The following ROBO2 variants were observed in gnomAD, a reference collection of about 807,000 sequenced individuals.
ROBO2 encodes roundabout homolog 2.
A neutral mutation model predicts 160.8 loss-of-function variants in ROBO2; 53 were observed. The observed-to-expected ratio is 0.33, with a 90% confidence interval of 0.26 to 0.41. The LOEUF is 0.41. Among genes scored for constraint, ROBO2 ranks in the 10% least tolerant of loss-of-function variants. The pLI is 1.00. For missense variants in ROBO2, 1,577 were observed against 1,722.4 expected (o/e 0.92, Z 1.49); for synonymous variants, 664 against 611.7 (o/e 1.09, Z -1.26).
At chr3:77,389,318 C>A (rs914795224) in intron 2 of ROBO2, among the ~76,000 whole-genome samples, 1 of 152,006 alleles carries the variant, frequency 6.6e-6, no homozygotes, top group Non-Finnish European at 1.5e-5. Context: ...GCTGACTGTG[C>A]CTATGTGTAT....
chr3:76,339,151 G>T (rs1005085507), intron 2 of ROBO2, among the ~76,000 whole-genome samples: 3 of 151,914 alleles, frequency 2.0e-5, no homozygotes, highest in Non-Finnish European at 2.9e-5. Flanking sequence ...ACTTCAGTTT[G>T]CCTTTTTAGA....
chr3:77,180,416 C>CTCTCTCTCTCTCTA (rs1433740534), intron 2 of ROBO2, among the ~76,000 whole-genome samples: 4 of 90,720 alleles, frequency 4.4e-5, no homozygotes, highest in South Asian at 3.8e-4. Context: ...CTCTCTCTCT[C>CTCTCTCTCTCTCTA]TATATATATA....
At chr3:77,181,446 A>G (rs539206738) in intron 2 of ROBO2, among the ~76,000 whole-genome samples, 1 of 152,238 alleles carries the variant, frequency 6.6e-6, no homozygotes, top group African/African-American at 2.4e-5. Context: ...CTCTGAATTT[A>G]TTAAAATAGG....
intron 2 of ROBO2, among the ~76,000 whole-genome samples, chr3:76,495,572 A>G (rs2080102754): frequency 6.7e-6 from 1 of 149,126 alleles, no homozygotes; most frequent in African/African-American, 2.4e-5. Flanking sequence ...TGGATCATTT[A>G]GGCTATAGAC....
At chr3:76,301,790 T>C (rs967311155) in intron 2 of ROBO2, among the ~76,000 whole-genome samples, 4 of 152,206 alleles carry the variant, frequency 2.6e-5, no homozygotes, top group Non-Finnish European at 5.9e-5. Context: ...GCTTTGACCA[T>C]GTAACAAAAA....
intron 2 of ROBO2, among the ~76,000 whole-genome samples, chr3:76,102,934 C>T (rs540731195): frequency 1.3e-5 from 2 of 151,938 alleles, no homozygotes; most frequent in African/African-American, 2.4e-5. Context: ...ACGCCGTTCT[C>T]CTGCCTCAGC....
chr3:76,740,100 A>C (rs1441680413), intron 2 of ROBO2, among the ~76,000 whole-genome samples: 6 of 152,210 alleles, frequency 3.9e-5, no homozygotes, highest in Non-Finnish European at 8.8e-5. Flanking sequence ...TTTATCGTTA[A>C]ATCAATATAG....
chr3:77,222,782 A>G (rs2085990830), intron 2 of ROBO2, among the ~76,000 whole-genome samples: 1 of 152,220 alleles, frequency 6.6e-6, no homozygotes, highest in Admixed American at 6.5e-5. Flanking sequence ...TTCATTTGAT[A>G]TGCACATTTG....
intron 2 of ROBO2, among the ~76,000 whole-genome samples, chr3:77,004,169 T>C (rs1041473065): frequency 6.6e-5 from 10 of 152,186 alleles, no homozygotes; most frequent in African/African-American, 2.2e-4. Flanking sequence ...GTTATATCAA[T>C]AACAGAAATA....
chr3:77,496,801 A>C (rs1349495589), intron 5 of ROBO2, among the ~76,000 whole-genome samples: 2 of 152,160 alleles, frequency 1.3e-5, no homozygotes, highest in Non-Finnish European at 2.9e-5. Context: ...AACACAGAAG[A>C]AGATATCTGT....
intron 2 of ROBO2, among the ~76,000 whole-genome samples, chr3:76,830,743 G>A (rs1257300032): frequency 6.6e-6 from 1 of 151,230 alleles, no homozygotes; most frequent in Admixed American, 6.6e-5. Context: ...TCGGGAGGCT[G>A]AGGCAGAAGA....
At chr3:77,214,775 G>C (rs926758406) in intron 2 of ROBO2, among the ~76,000 whole-genome samples, 2 of 151,684 alleles carry the variant, frequency 1.3e-5, no homozygotes, top group Non-Finnish European at 2.9e-5. Context: ...GGCAGGCCTG[G>C]TGGTGACAAA....
intron 2 of ROBO2, among the ~76,000 whole-genome samples, chr3:76,118,182 A>G (rs1050542552): frequency 2.0e-5 from 3 of 152,210 alleles, no homozygotes; most frequent in Admixed American, 2.0e-4. Flanking sequence ...AAAAAAATAG[A>G]TGAGTAAGAA....
At chr3:77,305,080 C>A (rs571014809) in intron 2 of ROBO2, among the ~76,000 whole-genome samples, 61 of 152,224 alleles carry the variant, frequency 4.0e-4, no homozygotes, top group Non-Finnish European at 7.5e-4. Flanking sequence ...TATTTGTTGG[C>A]CTCAATGAGT....
At chr3:77,275,784 G>C (rs1330714541) in intron 2 of ROBO2, among the ~76,000 whole-genome samples, 1 of 151,950 alleles carries the variant, frequency 6.6e-6, no homozygotes. Context: ...ACCACAGTTT[G>C]GTGTACAATA....
chr3:76,391,449 G>A (rs1179671807), intron 2 of ROBO2, among the ~76,000 whole-genome samples: 1 of 151,984 alleles, frequency 6.6e-6, no homozygotes, highest in Non-Finnish European at 1.5e-5. Context: ...TGTGTTTCTA[G>A]TCTGAAACAA....
chr3:76,932,287 C>A (rs1420502894), intron 2 of ROBO2, among the ~76,000 whole-genome samples: 5 of 152,004 alleles, frequency 3.3e-5, no homozygotes, highest in African/African-American at 1.2e-4. Context: ...CAATAATGAT[C>A]TCAGCCTCTT....
chr3:76,150,938 A>C (rs2106844807), intron 2 of ROBO2, among the ~76,000 whole-genome samples: 1 of 152,282 alleles, frequency 6.6e-6, no homozygotes, highest in East Asian at 1.9e-4. Context: ...CATAGAATAG[A>C]AACCTGCTTT....
chr3:76,391,081 AAT>A (rs1455823621), intron 2 of ROBO2, among the ~76,000 whole-genome samples: 5 of 151,992 alleles, frequency 3.3e-5, no homozygotes, highest in Non-Finnish European at 5.9e-5. Context: ...GCATTCAATT[AAT>A]ATGTTATAAT....
Sources: allele counts gnomAD v4.1 joint callset (sites outside exome capture counted in the v4.1 genomes callset), GRCh38; gene constraint gnomAD v4.1.1; transcripts MANE v1.5; gene names NCBI Gene and HGNC (gene_info 2026-07-23, HGNC 2026-07-21).